Variants in IL13RA1 observed in about 807,000 individuals in gnomAD.
IL13RA1 encodes the protein interleukin 13 receptor subunit alpha 1.
Under a neutral mutation model 33.8 loss-of-function variants are expected in IL13RA1, and 14 were observed. That is an observed-to-expected ratio of 0.41 (90% CI 0.27 to 0.65). The LOEUF is 0.65. Among genes scored for constraint, IL13RA1 ranks in the 30% least tolerant of loss-of-function variants. IL13RA1 has a pLI of 0.28. For missense variants in IL13RA1, 313 were observed against 327.0 expected (o/e 0.96, Z 0.33); for synonymous variants, 116 against 115.7 (o/e 1.00, Z -0.02).
chrX:118,729,397 A>C (rs1223003173), intron 1 of IL13RA1, among the ~76,000 whole-genome samples: 2 of 112,282 alleles, frequency 1.8e-5, no homozygotes, highest in Non-Finnish European at 3.8e-5. Context: ...GTGGGAAAAA[A>C]TTAGATGTTT....
At chrX:118,776,539 A>G in intron 10 of IL13RA1, 28 bp downstream of exon 10, 1 of 225,311 alleles carries the variant, frequency 4.4e-6, no homozygotes. Context: ...GGGGCTTGAA[A>G]TGTTTTTTTT....
intron 2 of IL13RA1, among the ~76,000 whole-genome samples, chrX:118,742,528 G>T (rs1443294032): frequency 8.9e-6 from 1 of 112,383 alleles, no homozygotes; most frequent in African/African-American, 3.2e-5. Context: ...AGTTGTCAAG[G>T]ATCAATCAGG....
Position 118,794,012 on chromosome X carries a change from C to T in IL13RA1, c.*2158C>T, listed in dbSNP as rs1184108664. The T allele has an allele frequency of 1.8e-5, 2 of 111,827 alleles. No homozygotes were observed. The highest frequency in any genetic ancestry group is 3.3e-5 in the African/African-American group (1 of 30,590). 9.2% of individuals were successfully genotyped at this position (111,827 alleles called of 1,213,427 possible). ...ATTTTATAATTCTGGGAAGCAAAACCCATGCCTCCCCCTAGCCATTTTTAC... is the reference window on the plus strand; with the variant it reads ...ATTTTATAATTCTGGGAAGCAAAACTCATGCCTCCCCCTAGCCATTTTTAC... On this transcript the variant is annotated 3_prime_UTR_variant, in exon 11 of 11. Coordinates refer to ENST00000371666, the MANE Select transcript of IL13RA1 (RefSeq NM_001560.3).
intron 4 of IL13RA1, among the ~76,000 whole-genome samples, chrX:118,757,524 C>CAAAA (rs1166805158): frequency 6.1e-5 from 2 of 32,673 alleles, no homozygotes; most frequent in Admixed American, 4.2e-4. Flanking sequence ...GACTCTGTCT[C>CAAAA]AAAAAAAAAA....
At chrX:118,751,185 A>G (rs887156795) in intron 4 of IL13RA1, among the ~76,000 whole-genome samples, 4 of 112,315 alleles carry the variant, frequency 3.6e-5, no homozygotes, top group African/African-American at 9.7e-5. Context: ...ATTTGTGACT[A>G]TATCTACTAC....
chrX:118,754,636 CA>C (rs200644155), intron 4 of IL13RA1, among the ~76,000 whole-genome samples: 5,085 of 103,643 alleles, frequency 0.049, 302 homozygotes, highest in African/African-American at 0.17. Context: ...GACTCCATCT[CA>C]AAAAAAAAAT....
At chrX:118,739,299 G>A (rs1458503850) in intron 1 of IL13RA1, among the ~76,000 whole-genome samples, 1 of 111,943 alleles carries the variant, frequency 8.9e-6, no homozygotes, top group African/African-American at 3.2e-5. Context: ...AAAATTGACT[G>A]TTAGAGAAAC....
chrX:118,763,837 C>T (rs1242790812), intron 6 of IL13RA1, among the ~76,000 whole-genome samples: 2 of 102,332 alleles, frequency 2.0e-5, no homozygotes, highest in African/African-American at 3.7e-5. Flanking sequence ...TTTTTTTTTA[C>T]AAACTTCTGA....
chrX:118,788,922 C>T (rs1274707945), intron 10 of IL13RA1, among the ~76,000 whole-genome samples: 1 of 111,862 alleles, frequency 8.9e-6, no homozygotes, highest in Admixed American at 9.5e-5. Context: ...AAATCTGAAA[C>T]TTTCTAACAT....
chrX:118,747,369 TCACA>T (rs927667124), intron 3 of IL13RA1, among the ~76,000 whole-genome samples: 7 of 107,603 alleles, frequency 6.5e-5, no homozygotes, highest in Admixed American at 3.0e-4. Flanking sequence ...ACACACACAC[TCACA>T]CACACACACA....
chrX:118,733,258 A>G (rs1391578714), intron 1 of IL13RA1, among the ~76,000 whole-genome samples: 1 of 111,984 alleles, frequency 8.9e-6, no homozygotes, highest in Non-Finnish European at 1.9e-5. Context: ...ATTTCCACCA[A>G]CTGTGCACCG....
chrX:118,732,622 C>G (rs183202092), intron 1 of IL13RA1, among the ~76,000 whole-genome samples: 1 of 105,258 alleles, frequency 9.5e-6, no homozygotes, highest in Admixed American at 1.1e-4. Flanking sequence ...TCTCAATGTT[C>G]AATTCCCACC....
chrX:118,747,439 G>A lies in IL13RA1; in HGVS notation c.367+347G>A, dbSNP rs773881888. Among the ~76,000 whole-genome samples, 6 of 110,406 alleles carry A rather than the reference G, an allele frequency of 5.4e-5. No homozygotes were observed. In the East Asian group the frequency reaches 1.4e-3, roughly 26 times the overall value. On this transcript the variant is annotated intron_variant, in intron 3 of 10. Transcript: ENST00000371666. Reference sequence around the variant, plus strand: ...AAGCTTATCTTGTGAAGTGAGTAAGGCATGTATTATTACCCTGATCCATTT... The same window carrying A: ...AAGCTTATCTTGTGAAGTGAGTAAGACATGTATTATTACCCTGATCCATTT...
chrX:118,786,771 A>T (rs1164896326), intron 10 of IL13RA1, among the ~76,000 whole-genome samples: 3 of 111,785 alleles, frequency 2.7e-5, no homozygotes, highest in Non-Finnish European at 5.6e-5. Context: ...GTTTCTCCTC[A>T]GAGTGCAGCT....
rs564080977 is a variant in IL13RA1 at position 118,730,129 on chromosome X, G to A, written c.88+2403G>A. ...AGCCTGGCCAACATGGCAAAACCCC[G>A]TCTACTAAAAATACAAAAATTAGCC... On this transcript the variant is annotated intron_variant, in intron 1 of 10. Coordinates refer to ENST00000371666, the MANE Select transcript of IL13RA1 (RefSeq NM_001560.3). 9.7e-4 allele frequency among the ~76,000 whole-genome samples: 108 copies of A among 111,508 alleles called. 1 individual carries two copies. Among genetic ancestry groups the A allele is most frequent in the African/African-American group, 2.7e-3 (82 of 30,659 alleles).
At chrX:118,796,205 A>G (rs1394270022), downstream of IL13RA1, among the ~76,000 whole-genome samples, 1 of 112,544 alleles carries the variant, frequency 8.9e-6, no homozygotes, top group Non-Finnish European at 1.9e-5. Flanking sequence ...GCCGAGTTAC[A>G]TGTGTGATTT....
chrX:118,798,984 C>T (rs1257025490), downstream of IL13RA1, among the ~76,000 whole-genome samples: 4 of 111,983 alleles, frequency 3.6e-5, no homozygotes, highest in South Asian at 3.7e-4. Context: ...ACCGGGGCTG[C>T]GTGAGGCGCT....
At chrX:118,801,376 T>G in the IL13RA1 span, among the ~76,000 whole-genome samples, 6 of 112,253 alleles carry the variant, frequency 5.3e-5, no homozygotes, top group Non-Finnish European at 7.5e-5. Flanking sequence ...GGGCTGGACT[T>G]TGTGAGCCCT....
chrX:118,793,552 C>A lies in IL13RA1; in HGVS notation c.*1698C>A, dbSNP rs2018000678. On this transcript the variant is annotated 3_prime_UTR_variant, in exon 11 of 11. Transcript: ENST00000371666. ...CATATCCGTATATATCCCCTCTACT[C>A]TTACTTCCCCCAAATTTAAAGAAGT... The A allele has an allele frequency of 8.9e-6, 1 of 111,773 alleles. No homozygotes were observed. The highest frequency in any genetic ancestry group is 1.9e-5 in the Non-Finnish European group (1 of 53,189). The allele number at this position is 111,773 out of a possible 1,213,427, so 9.2% of individuals were successfully genotyped here.
Sources: allele counts gnomAD v4.1 joint callset (sites outside exome capture counted in the v4.1 genomes callset), GRCh38; gene constraint gnomAD v4.1.1; transcripts MANE v1.5; gene names NCBI Gene and HGNC (gene_info 2026-07-23, HGNC 2026-07-21).